FBN2: variants seen among roughly 807,000 people sequenced by gnomAD.
The protein encoded by FBN2 is fibrillin 2.
Under a neutral mutation model 355.6 loss-of-function variants are expected in FBN2, and 105 were observed. That is an observed-to-expected ratio of 0.30 (90% confidence interval 0.25 to 0.35). The LOEUF is 0.35. Among genes scored for constraint, FBN2 ranks in the 10% least tolerant of loss-of-function variants. FBN2 has a pLI of 1.00. For synonymous variants in FBN2, 1,350 were observed against 1,301.2 expected (o/e 1.04, Z -0.81); for missense variants, 3,280 against 3,758.7 (o/e 0.87, Z 3.33).
At chr5:128,532,216 C>T (rs932442205) in intron 2 of FBN2, among the ~76,000 whole-genome samples, 6 of 152,168 alleles carry the variant, frequency 3.9e-5, no homozygotes, top group Non-Finnish European at 5.9e-5. Flanking sequence ...AGCCTTTCTC[C>T]TTCCATATTA....
At chr5:128,481,649 T>C (rs1755191733) in intron 5 of FBN2, among the ~76,000 whole-genome samples, 1 of 152,226 alleles carries the variant, frequency 6.6e-6, no homozygotes, top group Non-Finnish European at 1.5e-5. Context: ...GTTTGCTAGG[T>C]TGAGTATGTG....
At position 128,317,926 on chromosome 5, in the gene FBN2, G is replaced by C. The variant is rs537100757; in HGVS notation, c.4717+223C>G. Among the ~76,000 whole-genome samples the C allele has an allele frequency of 6.6e-4, 101 of 152,320 alleles. No individual in the cohort carries two copies. The highest frequency in any genetic ancestry group is 1.3e-3 in the Non-Finnish European group (87 of 68,032). ...CTTAGCTCTGCCACTTTCAAGCTCT[G>C]AGACCTTGAACAAATTACTGCACTT... On this transcript the variant is annotated intron_variant, in intron 36 of 64. Coordinates refer to ENST00000262464, the MANE Select transcript of FBN2 (RefSeq NM_001999.4).
chr5:128,334,895 A>C, intron 30 of FBN2, 51 bp from the exon 31 acceptor site: 1 of 1,512,712 alleles, frequency 6.6e-7, no homozygotes, highest in South Asian at 1.1e-5. Context: ...CAGTAATTTA[A>C]AAGCTATCTT....
At chr5:128,333,435 T>G (rs1258200420) in intron 31 of FBN2, among the ~76,000 whole-genome samples, 2 of 152,176 alleles carry the variant, frequency 1.3e-5, no homozygotes, top group East Asian at 3.9e-4. Flanking sequence ...CCTATTGATA[T>G]TTATTACATA....
chr5:128,390,056 T>C (rs1465918388), intron 11 of FBN2, among the ~76,000 whole-genome samples: 1 of 152,136 alleles, frequency 6.6e-6, no homozygotes, highest in Non-Finnish European at 1.5e-5. Context: ...TCACAGACAC[T>C]AATGTAACCC....
intron 7 of FBN2, among the ~76,000 whole-genome samples, chr5:128,416,205 AG>A (rs1753193804): frequency 1.3e-5 from 2 of 152,016 alleles, no homozygotes; most frequent in Admixed American, 6.6e-5. Flanking sequence ...TTGTATTTTT[AG>A]TAGAGATGGG....
chr5:128,313,873 A>AC (rs1186397090), intron 36 of FBN2, among the ~76,000 whole-genome samples: 3 of 151,246 alleles, frequency 2.0e-5, no homozygotes, highest in Non-Finnish European at 4.4e-5. Flanking sequence ...AAAAAAAAAA[A>AC]AAACATATCT....
chr5:128,299,846 C>A (rs1749664825), intron 48 of FBN2, among the ~76,000 whole-genome samples: 1 of 152,186 alleles, frequency 6.6e-6, no homozygotes, highest in South Asian at 2.1e-4. Flanking sequence ...TTGGCTCCTC[C>A]CCCCTTAAAC....
At chr5:128,531,144 T>TTA (rs200435959) in intron 2 of FBN2, among the ~76,000 whole-genome samples, 216 of 152,040 alleles carry the variant, frequency 1.4e-3, no homozygotes, top group African/African-American at 4.9e-3. Context: ...AAAGAAACTG[T>TTA]TATATATATA....
rs1379597158 is a variant in FBN2 at position 128,323,528 on chromosome 5, T to C, written c.4472-4527A>G. Among the ~76,000 whole-genome samples, 3 of 152,228 alleles carry C rather than the reference T, an allele frequency of 2.0e-5. No individual in the cohort carries two copies. The East Asian group carries it at 5.8e-4, about 29-fold the overall frequency. On this transcript the variant is annotated intron_variant, in intron 34 of 64. Coordinates refer to ENST00000262464, the MANE Select transcript of FBN2 (RefSeq NM_001999.4). ...AAAGGCCTAGTTTTATCGAAGGCCTTACTGCATCTTTTGAGATAATCATGC... is the reference window on the plus strand; with the variant it reads ...AAAGGCCTAGTTTTATCGAAGGCCTCACTGCATCTTTTGAGATAATCATGC...
At chr5:128,361,890 G>A in intron 18 of FBN2, 42 bp from the exon 19 acceptor site, 1 of 1,600,216 alleles carries the variant, frequency 6.2e-7, no homozygotes, top group Non-Finnish European at 8.6e-7. Context: ...ACATATTTAA[G>A]CATCTATTAC....
rs557212203 is a variant in FBN2, at chr5:128,259,520, C to A, written c.8674G>T (p.Asp2892Tyr). ...CCAAGCTCCCCTAGGAGGTAGTCAT[C>A]CTCATTGCTCTCTTCCAGTTTCTTA... Reference protein sequence around the residue: ...ELKKLEESNEDDYLLGELGEA... With the variant: ...ELKKLEESNEYDYLLGELGEA... Residue 2892 changes from aspartate to tyrosine, a missense_variant, in exon 65 of 65, where the codon GAT becomes TAT. This residue lies in a region of FBN2 where 311 missense variants were observed against 319.1 expected (regional missense o/e 0.97). Transcript: ENST00000262464. The A allele has an allele frequency of 9.2e-5, 149 of 1,613,970 alleles. No individual in the cohort carries two copies. In the East Asian group the frequency reaches 3.0e-3, roughly 33 times the overall value.
intron 62 of FBN2, 132 bp downstream of exon 62, chr5:128,271,867 G>T: frequency 9.7e-7 from 1 of 1,033,488 alleles, no homozygotes; most frequent in Non-Finnish European, 1.5e-6. Flanking sequence ...CCATGCATCA[G>T]TCTTAAGGAC....
At chr5:128,477,777 A>T (rs1755044853) in intron 5 of FBN2, among the ~76,000 whole-genome samples, 1 of 152,188 alleles carries the variant, frequency 6.6e-6, no homozygotes, top group Non-Finnish European at 1.5e-5. Context: ...TCACTCTGCC[A>T]TCTCTCAGTG....
intron 5 of FBN2, among the ~76,000 whole-genome samples, chr5:128,480,962 T>G (rs1755167867): frequency 6.6e-6 from 1 of 152,206 alleles, no homozygotes; most frequent in South Asian, 2.1e-4. Context: ...TTCTTGGATA[T>G]GAAAGCTGCA....
rs10055617 is a variant in FBN2, at chr5:128,395,517, T to G, written c.1079-243A>C. The stretch of plus-strand genomic sequence containing the variant: ...GCTAAAGTCAGGCAATTCTGAAGCT[T>G]GAAGGAAAGCAACAACCCAGTCCCA... On this transcript the variant is annotated intron_variant, in intron 8 of 64. Transcript: ENST00000262464. Among the ~76,000 whole-genome samples the G allele has an allele frequency of 0.11, 16,373 of 152,154 alleles. 1,036 individuals carry two copies. The highest frequency in any genetic ancestry group is 0.17 in the African/African-American group (6,866 of 41,496).
intron 7 of FBN2, among the ~76,000 whole-genome samples, chr5:128,430,694 A>C (rs1174088034): frequency 6.6e-6 from 1 of 151,900 alleles, no homozygotes; most frequent in African/African-American, 2.4e-5. Context: ...AAATACAAAA[A>C]TCAGCCAGGT....
intron 6 of FBN2, among the ~76,000 whole-genome samples, chr5:128,450,232 C>T (rs899897170): frequency 6.6e-6 from 1 of 152,088 alleles, no homozygotes; most frequent in Admixed American, 6.5e-5. Flanking sequence ...GCAGAGCACA[C>T]ATTCTTATCA....
chr5:128,357,798 G>A (rs995182111), intron 19 of FBN2, among the ~76,000 whole-genome samples: 1 of 152,104 alleles, frequency 6.6e-6, no homozygotes, highest in Non-Finnish European at 1.5e-5. Flanking sequence ...TATCTTAGAT[G>A]CAAAATATCA....
Sources: gnomAD v4.1 joint callset for allele counts (sites outside exome capture counted in the v4.1 genomes callset) on GRCh38, gnomAD v4.1.1 for gene constraint, gnomAD v4.1.1 regional missense constraint, MANE v1.5 for transcripts, NCBI Gene and HGNC (gene_info 2026-07-23, HGNC 2026-07-21) for gene names.